CLSTN2: variants seen among roughly 807,000 people sequenced by gnomAD.
CLSTN2 encodes calsyntenin-2.
Under a neutral mutation model 101.2 loss-of-function variants are expected in CLSTN2, and 48 were observed. The ratio of observed to expected loss-of-function variants is 0.47; its 90% CI spans 0.38 to 0.60. The LOEUF is 0.60. Ranked by LOEUF, CLSTN2 falls within the 20% of genes least tolerant of loss-of-function variation. CLSTN2 has a pLI of 0.00. For missense variants in CLSTN2, 1,160 were observed against 1,238.2 expected (o/e 0.94, Z 0.95); for synonymous variants, 481 against 463.6 (o/e 1.04, Z -0.48).
chr3:140,539,588 C>A (rs780966853), intron 9 of CLSTN2, among the ~76,000 whole-genome samples: 1 of 152,314 alleles, frequency 6.6e-6, no homozygotes, highest in South Asian at 2.1e-4. Context: ...AAAAACAAGA[C>A]AGAAAACTCA....
intron 2 of CLSTN2, among the ~76,000 whole-genome samples, chr3:140,229,941 C>T (rs1294442611): frequency 6.6e-6 from 1 of 152,024 alleles, no homozygotes; most frequent in Non-Finnish European, 1.5e-5. Context: ...TGTGGTAGCC[C>T]AGTTTATTTT....
At chr3:140,526,234 A>G (rs1373980012) in intron 8 of CLSTN2, among the ~76,000 whole-genome samples, 2 of 152,138 alleles carry the variant, frequency 1.3e-5, no homozygotes, top group Non-Finnish European at 2.9e-5. Flanking sequence ...TACAAAATTA[A>G]TGTACAAAAA....
At chr3:140,481,329 A>G (rs2107751715) in intron 8 of CLSTN2, among the ~76,000 whole-genome samples, 1 of 152,354 alleles carries the variant, frequency 6.6e-6, no homozygotes, top group South Asian at 2.1e-4. Flanking sequence ...TACCAGTACC[A>G]TGCTATTTTG....
At chr3:140,164,258 C>T (rs952761119) in intron 1 of CLSTN2, among the ~76,000 whole-genome samples, 20 of 152,086 alleles carry the variant, frequency 1.3e-4, no homozygotes, top group Non-Finnish European at 1.8e-4. Flanking sequence ...ATTTTTCCAG[C>T]CCTTGGGAGT....
At chr3:140,266,240 G>T (rs1175163664) in intron 2 of CLSTN2, among the ~76,000 whole-genome samples, 1 of 152,106 alleles carries the variant, frequency 6.6e-6, no homozygotes, top group Non-Finnish European at 1.5e-5. Flanking sequence ...AAGCTCCAAA[G>T]TTCTTACCCA....
chr3:140,418,746 G>A (rs908815403), intron 4 of CLSTN2, among the ~76,000 whole-genome samples: 5 of 151,946 alleles, frequency 3.3e-5, no homozygotes, highest in South Asian at 2.1e-4. Context: ...TCGAACTCCC[G>A]ACTTTGTTAT....
intron 6 of CLSTN2, chr3:140,454,426 T>C (rs1024364710): frequency 2.6e-5 from 4 of 152,142 alleles, no homozygotes; most frequent in Admixed American, 2.6e-4. Flanking sequence ...ATTCTAGAAG[T>C]GAAATGATAG....
intron 2 of CLSTN2, among the ~76,000 whole-genome samples, chr3:140,367,009 T>G (rs2087799259): frequency 6.6e-6 from 1 of 152,138 alleles, no homozygotes; most frequent in Non-Finnish European, 1.5e-5. Context: ...GTATGGTGGT[T>G]AGTGTGGGCA....
intron 1 of CLSTN2, among the ~76,000 whole-genome samples, chr3:140,081,054 CTT>C (rs1202219825): frequency 6.6e-6 from 1 of 152,154 alleles, no homozygotes; most frequent in African/African-American, 2.4e-5. Flanking sequence ...GATGCTATGT[CTT>C]TGTGGAAAAT....
At chr3:140,211,777 C>G (rs564726697) in intron 2 of CLSTN2, among the ~76,000 whole-genome samples, 2 of 151,908 alleles carry the variant, frequency 1.3e-5, no homozygotes, top group African/African-American at 4.8e-5. Flanking sequence ...CTGAGCCCCT[C>G]AAACTAGACT....
At chr3:140,069,083 G>A (rs766187833) in intron 1 of CLSTN2, among the ~76,000 whole-genome samples, 1 of 152,196 alleles carries the variant, frequency 6.6e-6, no homozygotes, top group African/African-American at 2.4e-5. Context: ...CTTGGGAAAT[G>A]TCAGTGAGAG....
intron 4 of CLSTN2, among the ~76,000 whole-genome samples, chr3:140,418,787 AT>A (rs1412032066): frequency 6.6e-6 from 1 of 152,018 alleles, no homozygotes; most frequent in African/African-American, 2.4e-5. Context: ...AAGTGCTGGG[AT>A]TGCAGGTGTG....
At position 140,018,733 on chromosome 3, in the gene CLSTN2, T is replaced by C. The variant is rs541112670; in HGVS notation, c.109+83250T>C. Among the ~76,000 whole-genome samples the C allele has an allele frequency of 6.9e-4, 105 of 152,298 alleles. 1 individual carries two copies. The highest frequency in any genetic ancestry group is 2.9e-3 in the Admixed American group (44 of 15,310). Reference sequence around the variant, plus strand: ...GTAAGACAGTTTGTGTGTAAACAGCTGCATTTCCAAACGAGGGAGGGATCT... The same window carrying C: ...GTAAGACAGTTTGTGTGTAAACAGCCGCATTTCCAAACGAGGGAGGGATCT... On this transcript the variant is annotated intron_variant, in intron 1 of 16. Coordinates refer to ENST00000458420, the MANE Select transcript of CLSTN2 (RefSeq NM_022131.3).
intron 1 of CLSTN2, among the ~76,000 whole-genome samples, chr3:139,947,094 G>T (rs1935227069): frequency 6.6e-6 from 1 of 152,200 alleles, no homozygotes; most frequent in African/African-American, 2.4e-5. Context: ...CTTTGAAATG[G>T]AGTGCATCTC....
At chr3:140,475,036 C>T (rs1933949426) in intron 8 of CLSTN2, among the ~76,000 whole-genome samples, 1 of 130,426 alleles carries the variant, frequency 7.7e-6, no homozygotes. Flanking sequence ...CTCACTTAAT[C>T]TGTCCTCCTA....
At chr3:140,278,533 A>G (rs1483335734) in intron 2 of CLSTN2, among the ~76,000 whole-genome samples, 1 of 152,156 alleles carries the variant, frequency 6.6e-6, no homozygotes, top group African/African-American at 2.4e-5. Context: ...CTACAAGGCT[A>G]TGTCACCAGC....
intron 9 of CLSTN2, among the ~76,000 whole-genome samples, chr3:140,536,985 A>T (rs746076657): frequency 6.2e-4 from 95 of 152,342 alleles, no homozygotes; most frequent in South Asian, 1.5e-3. Flanking sequence ...ATATCAAAAG[A>T]TCTTTCAATA....
chr3:140,256,827 A>G (rs1195059350), intron 2 of CLSTN2, among the ~76,000 whole-genome samples: 2 of 152,202 alleles, frequency 1.3e-5, no homozygotes, highest in Non-Finnish European at 2.9e-5. Context: ...TTTATAATGC[A>G]TTGAGGTTTT....
chr3:139,973,931 C>T (rs527839689), intron 1 of CLSTN2, among the ~76,000 whole-genome samples: 1 of 152,314 alleles, frequency 6.6e-6, no homozygotes, highest in East Asian at 1.9e-4. Context: ...GCCACCACTC[C>T]TGGCCAGAAA....
Sources: allele counts gnomAD v4.1 joint callset (sites outside exome capture counted in the v4.1 genomes callset), GRCh38; gene constraint gnomAD v4.1.1; transcripts MANE v1.5; gene names NCBI Gene and HGNC (gene_info 2026-07-23, HGNC 2026-07-21).